The following ADAMTS17 variants were observed in gnomAD, a reference collection of about 807,000 sequenced individuals.
ADAMTS17 encodes A disintegrin and metalloproteinase with thrombospondin motifs 17.
A neutral mutation model predicts 141.5 loss-of-function variants in ADAMTS17; 113 were observed. The observed-to-expected ratio is 0.80, with a 90% CI of 0.69 to 0.93. The LOEUF (loss-of-function observed/expected upper bound fraction) is 0.93, where lower values mean the gene tolerates loss of function less well. Among genes scored for constraint, ADAMTS17 ranks in the 40% least tolerant of loss-of-function variants. ADAMTS17 has a pLI of 0.00. For synonymous variants in ADAMTS17, 768 were observed against 630.6 expected, an observed-to-expected ratio of 1.22 and a Z score of -3.27; for missense variants, 1,659 against 1,517.9, an observed-to-expected ratio of 1.09 and a Z score of -1.54.
chr15:100,306,518 C>T (rs553755706), intron 3 of ADAMTS17: 1 of 456,052 alleles, frequency 2.2e-6, no homozygotes, highest in Non-Finnish European at 4.4e-6. Context: ...TGAGGCACCT[C>T]CAGATCACTC....
chr15:100,316,916 T>A (rs908358239), intron 3 of ADAMTS17, among the ~76,000 whole-genome samples: 1 of 152,210 alleles, frequency 6.6e-6, no homozygotes, highest in Non-Finnish European at 1.5e-5. Flanking sequence ...CTGTGTCCAT[T>A]CCCAGTCACA....
At chr15:100,243,530 C>T (rs2042890392) in intron 7 of ADAMTS17, among the ~76,000 whole-genome samples, 1 of 152,130 alleles carries the variant, frequency 6.6e-6, no homozygotes, top group African/African-American at 2.4e-5. Flanking sequence ...TGGCTCACGC[C>T]AGTAATCCTA....
chr15:100,262,805 C>CA (rs2043574987), intron 4 of ADAMTS17, among the ~76,000 whole-genome samples: 2 of 134,912 alleles, frequency 1.5e-5, no homozygotes, highest in African/African-American at 2.9e-5. Context: ...AAACAAAAAA[C>CA]CTAAAGAATA....
chr15:100,100,331 T>C (rs1241069683), intron 14 of ADAMTS17, among the ~76,000 whole-genome samples: 1 of 152,192 alleles, frequency 6.6e-6, no homozygotes, highest in Non-Finnish European at 1.5e-5. Flanking sequence ...ATTTTTCATT[T>C]TCTTGGTAAT....
chr15:100,104,360 T>A (rs763925310), intron 14 of ADAMTS17, among the ~76,000 whole-genome samples: 3 of 141,896 alleles, frequency 2.1e-5, no homozygotes, highest in Non-Finnish European at 4.4e-5. Context: ...GCTGTTAAGT[T>A]TAATTTCAGC....
At chr15:100,066,945 G>C (rs2033578285) in intron 15 of ADAMTS17, among the ~76,000 whole-genome samples, 1 of 26,060 alleles carries the variant, frequency 3.8e-5, no homozygotes, top group African/African-American at 6.8e-5. Flanking sequence ...CTTCCTTTCT[G>C]TCTCAGCAAT....
intron 15 of ADAMTS17, among the ~76,000 whole-genome samples, chr15:100,087,974 T>A (rs1338594872): frequency 6.6e-6 from 1 of 152,066 alleles, no homozygotes; most frequent in African/African-American, 2.4e-5. Context: ...ACACAATGTT[T>A]GAAGTTCTGG....
chr15:100,202,346 C>T (rs1486005722), intron 7 of ADAMTS17, among the ~76,000 whole-genome samples: 2 of 152,110 alleles, frequency 1.3e-5, no homozygotes, highest in African/African-American at 4.8e-5. Flanking sequence ...AGTTTATTTA[C>T]AAGAAATGCT....
chr15:100,142,521 T>G (rs1197598974), intron 10 of ADAMTS17, among the ~76,000 whole-genome samples: 1 of 152,210 alleles, frequency 6.6e-6, no homozygotes. Flanking sequence ...TAACATTTAT[T>G]GAGTGTGTGC....
At chr15:100,179,387 G>C (rs367813434) in intron 8 of ADAMTS17, among the ~76,000 whole-genome samples, 1 of 152,046 alleles carries the variant, frequency 6.6e-6, no homozygotes, top group Non-Finnish European at 1.5e-5. Flanking sequence ...CAAGTGACAG[G>C]ATCTCATTCT....
rs142423353 is a variant in ADAMTS17, at chr15:100,325,287, G to T, written c.616+5602C>A. 1.3e-3 allele frequency among the ~76,000 whole-genome samples: 199 copies of T among 152,316 alleles called. 3 individuals carry two copies. The East Asian group carries it at 0.034, about 26-fold the overall frequency. ...AACCCTGCCAGATTCCTATGTTGAA[G>T]TCCTAACCCCCAGGACCTTAGAATG... On this transcript the variant is annotated intron_variant, in intron 3 of 21. Coordinates refer to ENST00000268070, the MANE Select transcript of ADAMTS17 (RefSeq NM_139057.4).
At chr15:100,181,613 G>A (rs1487307459) in intron 8 of ADAMTS17, among the ~76,000 whole-genome samples, 2 of 152,218 alleles carry the variant, frequency 1.3e-5, no homozygotes, top group African/African-American at 4.8e-5. Flanking sequence ...TTGTCATCTG[G>A]GAGATATGGC....
intron 6 of ADAMTS17, among the ~76,000 whole-genome samples, chr15:100,258,228 T>C (rs1025188356): frequency 1.3e-5 from 2 of 152,360 alleles, no homozygotes; most frequent in South Asian, 2.1e-4. Flanking sequence ...TGAATTTCAG[T>C]TCTTCTGGGT....
intron 20 of ADAMTS17, among the ~76,000 whole-genome samples, chr15:99,987,017 TA>T (rs1431220486): frequency 2.6e-5 from 4 of 152,158 alleles, no homozygotes; most frequent in African/African-American, 9.7e-5. Context: ...GGATGAGGGC[TA>T]GGGGCAGGGA....
At chr15:99,978,452 C>T (rs2060413483) in intron 20 of ADAMTS17, 1 of 152,266 alleles carries the variant, frequency 6.6e-6, no homozygotes, top group East Asian at 1.9e-4. Flanking sequence ...GGGCTCTGAC[C>T]CGAGAGGCCA....
intron 14 of ADAMTS17, among the ~76,000 whole-genome samples, chr15:100,105,117 T>C (rs2036335260): frequency 6.6e-6 from 1 of 152,224 alleles, no homozygotes; most frequent in Non-Finnish European, 1.5e-5. Context: ...GAGAAGTACA[T>C]GCAGGTAGGT....
At position 100,138,849 on chromosome 15, in the gene ADAMTS17, C is replaced by T. The variant is rs150546975; in HGVS notation, c.1474-5534G>A. On this transcript the variant is annotated intron_variant, in intron 10 of 21. Transcript: ENST00000268070. The stretch of plus-strand genomic sequence containing the variant: ...CTTAGGATTACACCCTCGTGTGACC[C>T]CCTCCTCTTAAACACGGGCTCAAAC... Among the ~76,000 whole-genome samples the T allele has an allele frequency of 5.5e-3, 830 of 152,224 alleles. 12 individuals carry two copies. Among genetic ancestry groups the T allele is most frequent in the African/African-American group, 0.019 (791 of 41,522 alleles).
chr15:100,221,920 C>T (rs2042145626), intron 7 of ADAMTS17, among the ~76,000 whole-genome samples: 1 of 152,180 alleles, frequency 6.6e-6, no homozygotes, highest in Non-Finnish European at 1.5e-5. Flanking sequence ...TGCCGGAGGC[C>T]GCCTGGGGTC....
chr15:100,070,032 T>C lies in ADAMTS17; in HGVS notation c.2138-15978A>G, dbSNP rs915436444. On this transcript the variant is annotated intron_variant, in intron 15 of 21. Coordinates refer to ENST00000268070, the MANE Select transcript of ADAMTS17 (RefSeq NM_139057.4). The stretch of plus-strand genomic sequence containing the variant: ...TGCAGAGACACACATAGGCTCAAAA[T>C]AAAAGGATGGAGGAAGATCTACCAA... Among the ~76,000 whole-genome samples the C allele has an allele frequency of 1.3e-5, 2 of 149,514 alleles. 1 individual carries two copies. Among genetic ancestry groups the C allele is most frequent in the South Asian group, 4.2e-4 (2 of 4,710 alleles).
Sources: allele counts gnomAD v4.1 joint callset (sites outside exome capture counted in the v4.1 genomes callset), GRCh38; gene constraint gnomAD v4.1.1; transcripts MANE v1.5; gene names NCBI Gene and HGNC (gene_info 2026-07-23, HGNC 2026-07-21).